LAMA2: variants seen among roughly 807,000 people sequenced by gnomAD.
LAMA2 encodes laminin subunit alpha 2.
LAMA2 carries 269 observed loss-of-function variants against 364.8 expected under a neutral mutation model. The ratio of observed to expected loss-of-function variants is 0.74; its 90% CI spans 0.67 to 0.82. LAMA2 has a LOEUF of 0.82. LAMA2 is among the 40% of genes least tolerant of loss of function. The pLI is 0.00. For synonymous variants in LAMA2, 1,379 were observed against 1,370.6 expected (o/e 1.01, Z -0.14); for missense variants, 3,807 against 3,873.2 (o/e 0.98, Z 0.45).
chr6:129,011,950 TAAATA>T (rs911052648), intron 1 of LAMA2, among the ~76,000 whole-genome samples: 1 of 152,162 alleles, frequency 6.6e-6, no homozygotes, highest in Non-Finnish European at 1.5e-5. Flanking sequence ...TTAATGTTGT[TAAATA>T]AAGAAAATGT....
intron 15 of LAMA2, among the ~76,000 whole-genome samples, chr6:129,263,372 T>A (rs1396694684): frequency 2.6e-5 from 4 of 152,142 alleles, no homozygotes; most frequent in African/African-American, 9.7e-5. Flanking sequence ...GGTTCTATGA[T>A]AAAGTTACTG....
intron 1 of LAMA2, among the ~76,000 whole-genome samples, chr6:128,924,081 A>G (rs929057819): frequency 2.6e-5 from 4 of 152,182 alleles, no homozygotes; most frequent in Admixed American, 2.6e-4. Context: ...CTCTGCTTAC[A>G]TATAATGGCA....
chr6:129,363,507 G>A (rs1177376428), intron 32 of LAMA2, among the ~76,000 whole-genome samples: 1 of 152,166 alleles, frequency 6.6e-6, no homozygotes, highest in Admixed American at 6.5e-5. Context: ...AATGTGGGAC[G>A]CAGATTCTGA....
chr6:129,136,494 G>A (rs570975545), intron 4 of LAMA2, among the ~76,000 whole-genome samples: 5 of 151,156 alleles, frequency 3.3e-5, no homozygotes, highest in African/African-American at 1.2e-4. Context: ...AGCCAACTCT[G>A]ATACAACATG....
At chr6:129,219,217 C>G (rs959602862) in intron 12 of LAMA2, among the ~76,000 whole-genome samples, 3 of 152,108 alleles carry the variant, frequency 2.0e-5, no homozygotes, top group African/African-American at 7.2e-5. Flanking sequence ...CCAAAAAACA[C>G]ATGAAAAAAT....
intron 22 of LAMA2, among the ~76,000 whole-genome samples, chr6:129,302,248 T>G (rs571256798): frequency 6.6e-6 from 1 of 152,268 alleles, no homozygotes; most frequent in South Asian, 2.1e-4. Flanking sequence ...TTTCTCTTGT[T>G]TGCATTTATT....
chr6:129,475,617 A>C (rs1402436202), intron 53 of LAMA2, among the ~76,000 whole-genome samples: 1 of 151,686 alleles, frequency 6.6e-6, no homozygotes, highest in Admixed American at 6.6e-5. Context: ...CTGCAATTTG[A>C]GTTGTCTCAC....
chr6:129,130,877 A>T (rs1173794836), intron 4 of LAMA2, among the ~76,000 whole-genome samples: 2 of 152,232 alleles, frequency 1.3e-5, no homozygotes, highest in East Asian at 3.8e-4. Context: ...GGAAGGATAA[A>T]TGAAACAGTT....
chr6:129,173,160 C>G (rs1395902522), intron 9 of LAMA2, among the ~76,000 whole-genome samples: 1 of 152,222 alleles, frequency 6.6e-6, no homozygotes, highest in South Asian at 2.1e-4. Flanking sequence ...GAGCTGTAGA[C>G]CGGAGCTGTT....
chr6:129,495,527 T>C (rs1031552235), intron 58 of LAMA2, among the ~76,000 whole-genome samples: 8 of 152,214 alleles, frequency 5.3e-5, no homozygotes, highest in South Asian at 4.1e-4. Context: ...TTTTAATAGA[T>C]ATATCATGCT....
chr6:128,990,596 T>G (rs1783551721), intron 1 of LAMA2, among the ~76,000 whole-genome samples: 1 of 152,194 alleles, frequency 6.6e-6, no homozygotes, highest in Non-Finnish European at 1.5e-5. Context: ...GTTAGGCGAT[T>G]AAATATTTAC....
intron 58 of LAMA2, among the ~76,000 whole-genome samples, chr6:129,501,897 T>C (rs148347717): frequency 7.5e-4 from 115 of 152,322 alleles, no homozygotes; most frequent in African/African-American, 2.7e-3. Context: ...TGCTGTATGC[T>C]TTGCAAGGCC....
At chr6:129,134,267 A>T (rs1777658572) in intron 4 of LAMA2, among the ~76,000 whole-genome samples, 1 of 152,188 alleles carries the variant, frequency 6.6e-6, no homozygotes. Flanking sequence ...TATTTTTGTT[A>T]TTAACATATT....
intron 3 of LAMA2, among the ~76,000 whole-genome samples, chr6:129,086,760 C>G (rs1365232171): frequency 6.6e-6 from 1 of 152,188 alleles, no homozygotes; most frequent in Non-Finnish European, 1.5e-5. Context: ...ACAAATTTAT[C>G]TCACAGTTTA....
intron 56 of LAMA2, among the ~76,000 whole-genome samples, chr6:129,489,831 T>C (rs1364928647): frequency 1.3e-5 from 2 of 151,810 alleles, no homozygotes; most frequent in Non-Finnish European, 2.9e-5. Flanking sequence ...ACTGATATGG[T>C]TTTAAAAAAA....
At chr6:129,292,746 T>G (rs4257879) in intron 20 of LAMA2, 16,556 of 941,876 alleles carry the variant, frequency 0.018, 186 homozygotes, top group Non-Finnish European at 0.019. Context: ...TTCTGTCTCT[T>G]GAATAATATC....
At chr6:129,080,008 T>C (rs545446121) in intron 3 of LAMA2, among the ~76,000 whole-genome samples, 1 of 152,252 alleles carries the variant, frequency 6.6e-6, no homozygotes, top group Admixed American at 6.5e-5. Flanking sequence ...AAATTATAGT[T>C]TTTATAATTT....
At chr6:129,294,744 G>A (rs890301898) in intron 20 of LAMA2, among the ~76,000 whole-genome samples, 12 of 152,276 alleles carry the variant, frequency 7.9e-5, no homozygotes, top group African/African-American at 9.6e-5. Flanking sequence ...CAGGTAGATC[G>A]GATGAGGCGC....
chr6:129,151,645 G>A (rs1778801521), intron 7 of LAMA2, among the ~76,000 whole-genome samples: 1 of 152,164 alleles, frequency 6.6e-6, no homozygotes, highest in Non-Finnish European at 1.5e-5. Flanking sequence ...TATGATCAAA[G>A]GGGAAGAGGG....
Sources: allele counts gnomAD v4.1 joint callset (sites outside exome capture counted in the v4.1 genomes callset), GRCh38; gene constraint gnomAD v4.1.1; transcripts MANE v1.5; gene names NCBI Gene and HGNC (gene_info 2026-07-23, HGNC 2026-07-21).